MYO6: variants seen among roughly 807,000 people sequenced by gnomAD.
MYO6 encodes myosin VI.
Under a neutral mutation model 178.7 loss-of-function variants are expected in MYO6, and 74 were observed. The ratio of observed to expected loss-of-function variants is 0.41; its 90% CI spans 0.34 to 0.50. The LOEUF (loss-of-function observed/expected upper bound fraction) is 0.50. MYO6 is among the 20% of genes least tolerant of loss of function. MYO6 has a pLI of 0.09. For synonymous variants in MYO6, 477 were observed against 504.6 expected, an observed-to-expected ratio of 0.95 and a Z score of 0.73; for missense variants, 1,330 against 1,547.4, an observed-to-expected ratio of 0.86 and a Z score of 2.36.
intron 10 of MYO6, 147 bp from the exon 11 acceptor site, chr6:75,848,204 G>C (rs1774914447): frequency 2.7e-6 from 2 of 730,644 alleles, no homozygotes; most frequent in East Asian, 5.4e-5. Context: ...TGGTCATTTA[G>C]TTTTTGAATG....
intron 30 of MYO6, among the ~76,000 whole-genome samples, chr6:75,905,870 G>T (rs1466123696): frequency 2.0e-5 from 3 of 152,176 alleles, no homozygotes; most frequent in African/African-American, 7.2e-5. Flanking sequence ...ACCTTTTAAA[G>T]AAGCAAGGGC....
intron 32 of MYO6, among the ~76,000 whole-genome samples, chr6:75,909,218 G>A (rs983234445): frequency 5.3e-5 from 8 of 151,990 alleles, no homozygotes; most frequent in Non-Finnish European, 1.0e-4. Context: ...ATTTAATGTA[G>A]CTCAGTTTTT....
chr6:75,884,648 T>G (rs1778290971), intron 23 of MYO6, among the ~76,000 whole-genome samples: 1 of 151,290 alleles, frequency 6.6e-6, no homozygotes, highest in African/African-American at 2.4e-5. Context: ...AACTCGGAGA[T>G]CTGAATTTTT....
At chr6:75,841,438 C>G (rs1319065906) in intron 9 of MYO6, 60 bp downstream of exon 9, 1 of 1,529,914 alleles carries the variant, frequency 6.5e-7, no homozygotes, top group Non-Finnish European at 9.0e-7. Context: ...CCTGTAATCC[C>G]AACACTTTGG....
Position 75,844,885 on chromosome 6 carries a change from G to T in MYO6, c.817-12G>T. The T allele has an allele frequency of 6.3e-7, 1 of 1,594,956 alleles. No homozygotes were observed. Among genetic ancestry groups the T allele is most frequent in the East Asian group, 2.2e-5 (1 of 44,664 alleles). On this transcript the variant is annotated splice_polypyrimidine_tract_variant and intron_variant, in intron 9 of 34. Coordinates refer to ENST00000369977, the MANE Select transcript of MYO6 (RefSeq NM_004999.4). ...CATATATGTTAATTATGTTTAATTT[G>T]TTTTGTCATAGTATTTAAACCGAGG...
intron 1 of MYO6, among the ~76,000 whole-genome samples, chr6:75,760,928 G>C (rs990934335): frequency 1.3e-5 from 2 of 152,104 alleles, no homozygotes; most frequent in East Asian, 3.8e-4. Context: ...ATTCCAGAGA[G>C]AACTTTTCTC....
chr6:75,805,379 T>C (rs1769971419), intron 1 of MYO6, among the ~76,000 whole-genome samples: 1 of 152,150 alleles, frequency 6.6e-6, no homozygotes, highest in African/African-American at 2.4e-5. Flanking sequence ...TCATGTTTTG[T>C]GATATGAATC....
At chr6:75,865,126 CT>C (rs35354003) in intron 16 of MYO6, 61 of 144,926 alleles carry the variant, frequency 4.2e-4, no homozygotes, top group Middle Eastern at 3.5e-3. Flanking sequence ...TTTTCTTTTT[CT>C]TTTTTTTTTT....
At chr6:75,750,674 G>A (rs1286507665) in intron 1 of MYO6, among the ~76,000 whole-genome samples, 2 of 151,606 alleles carry the variant, frequency 1.3e-5, no homozygotes, top group African/African-American at 4.8e-5. Context: ...CACCTCCCAG[G>A]TTCGAACGAT....
chr6:75,808,798 A>G (rs1770371484), intron 1 of MYO6, among the ~76,000 whole-genome samples: 1 of 152,212 alleles, frequency 6.6e-6, no homozygotes, highest in African/African-American at 2.4e-5. Context: ...TGTTTTAGGT[A>G]GACATGAGAC....
In MYO6 at chr6:75,879,588, C is replaced by A. The variant is rs573681741; in HGVS notation, c.2078-232C>A. ...GATCTGTCTAGAGACCAATAATTTG[C>A]CTCTAGAAAAGAGTCTTATTGGGTT... On this transcript the variant is annotated intron_variant, in intron 20 of 34. Transcript: ENST00000369977. Among the ~76,000 whole-genome samples, 3 of 152,126 alleles carry A rather than the reference C, an allele frequency of 2.0e-5. No individual in the cohort carries two copies. The East Asian group carries it at 5.8e-4, about 29-fold the overall frequency.
In MYO6 at chr6:75,814,752, G is replaced by T. The variant is rs550881664; in HGVS notation, c.-47-2749G>T. Among the ~76,000 whole-genome samples, 9 of 152,098 alleles carry T rather than the reference G, an allele frequency of 5.9e-5. No homozygotes were observed. The East Asian group carries it at 1.7e-3, about 29-fold the overall frequency. On this transcript the variant is annotated intron_variant, in intron 1 of 34. Coordinates refer to ENST00000369977, the MANE Select transcript of MYO6 (RefSeq NM_004999.4). ...ATGCACCTGATGGTCCCAGCTACTT[G>T]GGAGGCTGAAATAGGAGAATGTCTT...
At position 75,837,433 on chromosome 6, in the gene MYO6, G is replaced by A. The variant is rs192999516; in HGVS notation, c.553+1477G>A. 3.5e-3 allele frequency among the ~76,000 whole-genome samples: 536 copies of A among 152,104 alleles called. 3 individuals carry two copies. The highest frequency in any genetic ancestry group is 0.012 in the African/African-American group (512 of 41,490). ...TAAATTAGAGACAGCATCTCACTAT[G>A]TTGCCCAGGCTGGTCTCAACCTCCT... On this transcript the variant is annotated intron_variant, in intron 7 of 34. Transcript: ENST00000369977.
chr6:75,764,856 G>A (rs1192109474), intron 1 of MYO6, among the ~76,000 whole-genome samples: 4 of 151,748 alleles, frequency 2.6e-5, no homozygotes, highest in Non-Finnish European at 5.9e-5. Flanking sequence ...AAAATTAGCC[G>A]GGCGTGGTGG....
intron 1 of MYO6, among the ~76,000 whole-genome samples, chr6:75,802,682 TCA>T (rs1191009503): frequency 6.6e-6 from 1 of 151,940 alleles, no homozygotes; most frequent in African/African-American, 2.4e-5. Flanking sequence ...GACAGGGATC[TCA>T]CTTTGTTGCC....
intron 1 of MYO6, among the ~76,000 whole-genome samples, chr6:75,810,398 G>A (rs547529970): frequency 3.3e-5 from 5 of 152,292 alleles, no homozygotes; most frequent in Non-Finnish European, 7.4e-5. Context: ...ATGTGATGCT[G>A]TACCAGAGTC....
At chr6:75,905,580 C>T (rs1001904593) in intron 30 of MYO6, among the ~76,000 whole-genome samples, 40 of 152,332 alleles carry the variant, frequency 2.6e-4, no homozygotes, top group African/African-American at 5.0e-4. Context: ...CTTTGGCTGG[C>T]ACACGGTGCG....
chr6:75,870,741 G>C, intron 19 of MYO6, 56 bp downstream of exon 19: 1 of 1,400,668 alleles, frequency 7.1e-7, no homozygotes, highest in African/African-American at 1.4e-5. Context: ...ACTATTATTA[G>C]TAATTATGCA....
intron 20 of MYO6, among the ~76,000 whole-genome samples, chr6:75,877,796 C>T (rs1777682116): frequency 6.6e-6 from 1 of 151,758 alleles, no homozygotes; most frequent in African/African-American, 2.4e-5. Flanking sequence ...AAAATTTAAG[C>T]TTCAAAACAT....
Sources: gnomAD v4.1 joint callset for allele counts (sites outside exome capture counted in the v4.1 genomes callset) on GRCh38, gnomAD v4.1.1 for gene constraint, MANE v1.5 for transcripts, NCBI Gene and HGNC (gene_info 2026-07-23, HGNC 2026-07-21) for gene names.